Variants in IL15RA observed in about 807,000 individuals in gnomAD.
The protein encoded by IL15RA is interleukin-15 receptor subunit alpha.
A neutral mutation model predicts 24.2 loss-of-function variants in IL15RA; 26 were observed. That is an observed-to-expected ratio of 1.07 (90% confidence interval 0.79 to 1.49). IL15RA has a LOEUF of 1.49. Among genes scored for constraint, IL15RA ranks in the 40% most tolerant of loss-of-function variants. IL15RA has a pLI of 0.00. For missense variants in IL15RA, 354 were observed against 356.4 expected, an observed-to-expected ratio of 0.99 and a Z score of 0.05; for synonymous variants, 166 against 157.6, an observed-to-expected ratio of 1.05 and a Z score of -0.40.
chr10:5,951,054 A>C (rs1298607314), downstream of IL15RA, among the ~76,000 whole-genome samples: 2 of 145,098 alleles, frequency 1.4e-5, no homozygotes, highest in Non-Finnish European at 3.0e-5. Context: ...AGGCAGGAGA[A>C]TGGCATGGAC....
In IL15RA at chr10:5,977,394, C is replaced by T. The variant is rs938584752; in HGVS notation, c.88+11G>A. 3 of 1,280,722 alleles carry T rather than the reference C, an allele frequency of 2.3e-6. No homozygotes were observed. The highest frequency in any genetic ancestry group is 4.1e-5 in the Admixed American group (1 of 24,652). The allele number at this position is 1,280,722 out of a possible 1,614,324, so 79.3% of individuals were successfully genotyped here. ...AGTCCCGCCCGGGCGCCCCTGCTCC[C>T]AGCTCCCTACCCCGCGTCGCCGGCG... On this transcript the variant is annotated intron_variant, in intron 1 of 6. Coordinates refer to ENST00000379977, the MANE Select transcript of IL15RA (RefSeq NM_002189.4).
In IL15RA at chr10:5,970,605, A is replaced by G. The variant is rs75967356; in HGVS notation, c.89-4266T>C. Among the ~76,000 whole-genome samples, 104 of 152,136 alleles carry G rather than the reference A, an allele frequency of 6.8e-4. 1 individual carries two copies. In the East Asian group the frequency reaches 0.018, roughly 26 times the overall value. ...CAAGGATATCAATGTACTACAGCCA[A>G]TCCAACCAGGCAAATGGTGGCCAGT... On this transcript the variant is annotated intron_variant, in intron 1 of 6. Transcript: ENST00000379977. The surrounding 1 kb of genome is among the most constrained non-coding windows in gnomAD (Gnocchi z 4.1).
At chr10:5,951,718 C>G (rs1233495964), downstream of IL15RA, among the ~76,000 whole-genome samples, 1 of 152,022 alleles carries the variant, frequency 6.6e-6, no homozygotes, top group Non-Finnish European at 1.5e-5. Flanking sequence ...GTTCCAGCTA[C>G]TTGGGAGGCT....
At position 5,965,181 on chromosome 10, in the gene IL15RA, G is replaced by A. The variant is rs1232651823; in HGVS notation, c.283+964C>T. 6.6e-6 allele frequency among the ~76,000 whole-genome samples: 1 copy of A among 152,158 alleles called. No individual in the cohort carries two copies. The highest frequency in any genetic ancestry group is 2.4e-5 in the African/African-American group (1 of 41,444). ...AAACAGCTCCAAGTGGTTCCCACCC[G>A]AGATGGTTTGGCTGCTTCTGGGACG... On this transcript the variant is annotated intron_variant, in intron 2 of 6. Transcript: ENST00000379977. This position sits in a 1 kb window ranked among gnomAD's most constrained non-coding sequence, Gnocchi z 5.8.
At chr10:5,952,338 A>G (rs1833941334), downstream of IL15RA, 1 of 152,678 alleles carries the variant, frequency 6.5e-6, no homozygotes, top group African/African-American at 2.4e-5. Context: ...CTCCTCCTTT[A>G]TGTGGAACAT....
At chr10:5,977,795 C>T (rs1207872168), upstream of IL15RA, 2 of 464,772 alleles carry the variant, frequency 4.3e-6, no homozygotes, top group Admixed American at 4.4e-5. Flanking sequence ...GCCCGGGAGC[C>T]TCCCGGTCCT....
upstream of IL15RA, chr10:5,977,788 C>T (rs1189834792): frequency 1.9e-6 from 1 of 519,290 alleles, no homozygotes; most frequent in East Asian, 3.5e-5. Flanking sequence ...CACGCAAGCC[C>T]GGGAGCCTCC....
chr10:5,971,415 A>G lies in IL15RA; in HGVS notation c.89-5076T>C, dbSNP rs1357787140. Among the ~76,000 whole-genome samples, 1 of 152,214 alleles carries G rather than the reference A, an allele frequency of 6.6e-6. No individual in the cohort carries two copies. Among genetic ancestry groups the G allele is most frequent in the Non-Finnish European group, 1.5e-5 (1 of 68,032 alleles). On this transcript the variant is annotated intron_variant, in intron 1 of 6. Transcript: ENST00000379977. The surrounding 1 kb of genome is among the most constrained non-coding windows in gnomAD (Gnocchi z 5.5). ...TCTTTCTGTTTCCCAGAACCTGTGA[A>G]TCACACTTCCTTATCTATCAGGTTG...
In IL15RA at chr10:5,975,198, GA is replaced by G. The variant is rs1468062609; in HGVS notation, c.88+2206del. Reference sequence around the variant, plus strand: ...ACAACCCAAATGTCCCTTAACAAGTGAATGGCTAAACAAATGATGGGCTAGC... The same window carrying G: ...ACAACCCAAATGTCCCTTAACAAGTGATGGCTAAACAAATGATGGGCTAGC... On this transcript the variant is annotated intron_variant, in intron 1 of 6. Coordinates refer to ENST00000379977, the MANE Select transcript of IL15RA (RefSeq NM_002189.4). This position sits in a 1 kb window ranked among gnomAD's most constrained non-coding sequence, Gnocchi z 4.8. Among the ~76,000 whole-genome samples the G allele has an allele frequency of 6.6e-6, 1 of 150,982 alleles. No individual in the cohort carries two copies. The highest frequency in any genetic ancestry group is 1.5e-5 in the Non-Finnish European group (1 of 68,020).
Position 5,960,429 on chromosome 10 carries a change from G to A in IL15RA, c.521C>T (p.Thr174Ile), listed in dbSNP as rs867160997. 6.2e-7 allele frequency: 1 copy of A among 1,614,148 alleles called. No homozygotes were observed. Among genetic ancestry groups the A allele is most frequent in the South Asian group, 1.1e-5 (1 of 91,058 alleles). ...EISSHESSHGTPSQTTAKNWE... is the reference protein window; with the variant it reads ...EISSHESSHGIPSQTTAKNWE... ...GTTCTTGGCTGTTGTCTGAGAGGGG[G>A]TGCCGTGGGAGGACTCATGACTGCT... Residue 174 changes from threonine to isoleucine, a missense_variant, in exon 4 of 7, where the codon ACC (threonine) becomes ATC (isoleucine). Transcript: ENST00000379977. This position sits in a 1 kb window ranked among gnomAD's most constrained non-coding sequence, Gnocchi z 5.1.
Position 5,956,559 on chromosome 10 carries a change from C to G in IL15RA, c.617-105G>C. Reference sequence around the variant, plus strand: ...CTTACAGAGGGATCCAAGTGCCTCCCAACCAGCCTCCTGCTAAGGACATTT... The same window carrying G: ...CTTACAGAGGGATCCAAGTGCCTCCGAACCAGCCTCCTGCTAAGGACATTT... On this transcript the variant is annotated intron_variant, in intron 5 of 6. Coordinates refer to ENST00000379977, the MANE Select transcript of IL15RA (RefSeq NM_002189.4). 1.8e-5 allele frequency: 14 copies of G among 793,856 alleles called. 2 individuals are homozygous for G. In the South Asian group the frequency reaches 2.1e-4, roughly 12 times the overall value. 49.2% of individuals were successfully genotyped at this position (793,856 alleles called of 1,614,324 possible). A position where few individuals can be genotyped will look rare whatever the true frequency, so the allele number is the denominator to read the frequency against.
chr10:5,956,451 G>C lies in IL15RA; in HGVS notation c.620C>G (p.Ala207Gly). Residue 207 changes from alanine (A) to glycine (G), a missense_variant, in exon 6 of 7, where the codon GCT becomes GGT. By Grantham distance (60) the Ala-to-Gly change is moderately conservative (BLOSUM62 0). Coordinates refer to ENST00000379977, the MANE Select transcript of IL15RA (RefSeq NM_002189.4). The stretch of plus-strand genomic sequence containing the variant: ...CAGCAGGACAGTGGACGTGGAGATA[G>C]CCACTGAAAGGGAGGAGACCACGCT... ...YPQGHSDTTV[A>G]ISTSTVLLCG... is the part of the protein sequence containing the mutation. 6.2e-7 allele frequency: 1 copy of C among 1,612,620 alleles called. No homozygotes were observed. The highest frequency in any genetic ancestry group is 8.5e-7 in the Non-Finnish European group (1 of 1,178,598).
At position 5,961,349 on chromosome 10, in the gene IL15RA, A is replaced by G. The variant is rs8177701; in HGVS notation, c.383-782T>C. 0.13 allele frequency among the ~76,000 whole-genome samples: 20,422 copies of G among 152,056 alleles called. 1,586 individuals carry two copies. The highest frequency in any genetic ancestry group is 0.2 in the African/African-American group (8,096 of 41,446). Reference sequence around the variant, plus strand: ...AGCCTAGGAGTTTGAGGCTGCAGTGACCTATAATTGAGCCATTGCACTCTA... The same window carrying G: ...AGCCTAGGAGTTTGAGGCTGCAGTGGCCTATAATTGAGCCATTGCACTCTA... On this transcript the variant is annotated intron_variant, in intron 3 of 6. Coordinates refer to ENST00000379977, the MANE Select transcript of IL15RA (RefSeq NM_002189.4). The surrounding 1 kb of genome is among the most constrained non-coding windows in gnomAD (Gnocchi z 5.2).
At position 5,956,450 on chromosome 10, in the gene IL15RA, A is replaced by G; in HGVS notation, c.621T>C (p.Ala207=). ...ACAGCAGGACAGTGGACGTGGAGAT[A>G]GCCACTGAAAGGGAGGAGACCACGC... ...YPQGHSDTTV[A]ISTSTVLLCG... The change falls in exon 6 of 7, where the codon GCT becomes GCC. Residue 207 remains alanine, a synonymous_variant. Coordinates refer to ENST00000379977, the MANE Select transcript of IL15RA (RefSeq NM_002189.4). The G allele has an allele frequency of 1.2e-6, 2 of 1,612,826 alleles. No homozygotes were observed. The highest frequency in any genetic ancestry group is 8.5e-7 in the Non-Finnish European group (1 of 1,178,766).
chr10:5,951,155 AAAAAAAAAAAAAAAAAAAT>A (rs1564477797), downstream of IL15RA, among the ~76,000 whole-genome samples: 1 of 148,280 alleles, frequency 6.7e-6, no homozygotes, highest in African/African-American at 2.5e-5. Context: ...AAAAAAAAAA[AAAAAAAAAAAAAAAAAAAT>A]ATTAGCCAGG....
intron 1 of IL15RA, chr10:5,977,163 G>A: frequency 3.0e-6 from 1 of 336,376 alleles, no homozygotes; most frequent in Non-Finnish European, 5.4e-6. Flanking sequence ...CAGGCCGCCC[G>A]CTCCCTTACG....
rs1221902424 is a variant in IL15RA at position 5,975,214 on chromosome 10, G to T, written c.88+2191C>A. Among the ~76,000 whole-genome samples, 1 of 150,910 alleles carries T rather than the reference G, an allele frequency of 6.6e-6. No homozygotes were observed. The highest frequency in any genetic ancestry group is 1.5e-5 in the Non-Finnish European group (1 of 68,024). On this transcript the variant is annotated intron_variant, in intron 1 of 6. Transcript: ENST00000379977. This position sits in a 1 kb window ranked among gnomAD's most constrained non-coding sequence, Gnocchi z 4.8. Reference sequence around the variant, plus strand: ...TTAACAAGTGAATGGCTAAACAAATGATGGGCTAGCCATGGGTAGAATACT... The same window carrying T: ...TTAACAAGTGAATGGCTAAACAAATTATGGGCTAGCCATGGGTAGAATACT...
At chr10:5,976,722 G>C (rs1020264754) in intron 1 of IL15RA, among the ~76,000 whole-genome samples, 3 of 151,944 alleles carry the variant, frequency 2.0e-5, no homozygotes, top group African/African-American at 7.3e-5. Context: ...CTTTCTTCTC[G>C]AATACACCAA....
downstream of IL15RA, among the ~76,000 whole-genome samples, chr10:5,950,057 T>A (rs1299359056): frequency 1.3e-5 from 2 of 151,674 alleles, no homozygotes; most frequent in African/African-American, 4.9e-5. This position sits in a 1 kb window ranked among gnomAD's most constrained non-coding sequence, Gnocchi z 5.6. Context: ...GATTGCACCA[T>A]TGCACTCCAG....
Sources: gnomAD v4.1 joint callset for allele counts (sites outside exome capture counted in the v4.1 genomes callset) on GRCh38, gnomAD v4.1.1 for gene constraint, Gnocchi (gnomAD v3.1) non-coding constraint, MANE v1.5 for transcripts, NCBI Gene and HGNC (gene_info 2026-07-23, HGNC 2026-07-21) for gene names.